Variants in CPEB4 observed in about 807,000 individuals in gnomAD.
CPEB4 encodes the protein cytoplasmic polyadenylation element binding protein 4.
CPEB4 carries 12 observed loss-of-function variants against 72.5 expected under a neutral mutation model. That is an observed-to-expected ratio of 0.17 (90% CI 0.11 to 0.27). The LOEUF is 0.27. Among genes scored for constraint, CPEB4 ranks in the 10% least tolerant of loss-of-function variants. The pLI, the probability that CPEB4 is intolerant of heterozygous loss-of-function variation, is 1.00. For missense variants in CPEB4, 614 were observed against 908.5 expected, an observed-to-expected ratio of 0.68 and a Z score of 4.17; for synonymous variants, 302 against 326.3, an observed-to-expected ratio of 0.93 and a Z score of 0.80.
chr5:173,955,347 T>A lies in CPEB4; in HGVS notation c.1963-563T>A, dbSNP rs556345509. Among the ~76,000 whole-genome samples the A allele has an allele frequency of 7.9e-5, 12 of 152,272 alleles. 1 individual carries two copies. Among genetic ancestry groups the A allele is most frequent in the Non-Finnish European group, 1.0e-4 (7 of 68,014 alleles). On this transcript the variant is annotated intron_variant, in intron 9 of 9. Coordinates refer to ENST00000265085, the MANE Select transcript of CPEB4 (RefSeq NM_030627.4). The surrounding 1 kb of genome is among the most constrained non-coding windows in gnomAD (Gnocchi z 4.7). ...AATCCTATGGCTGCATCTTTTTTTT[T>A]TTTTTTAACAGAGTTCCAGGTTTGT...
In CPEB4 at chr5:173,888,449, A is replaced by G; in HGVS notation, c.-1285A>G. 2 of 443,260 alleles carry G rather than the reference A, an allele frequency of 4.5e-6. No homozygotes were observed. The highest frequency in any genetic ancestry group is 1.2e-4 in the South Asian group (2 of 16,596). 27.5% of individuals were successfully genotyped at this position (443,260 alleles called of 1,614,324 possible). ...GCGGCGGCAGCAGCGGCGACAGCAG[A>G]GGAGGAAGAGGAGGAAGAAGGAAAG... On this transcript the variant is annotated 5_prime_UTR_variant, in exon 1 of 10. Coordinates refer to ENST00000265085, the MANE Select transcript of CPEB4 (RefSeq NM_030627.4). The surrounding 1 kb of genome is among the most constrained non-coding windows in gnomAD (Gnocchi z 4.3).
intron 2 of CPEB4, among the ~76,000 whole-genome samples, chr5:173,911,024 G>A (rs73808317): frequency 2.1e-3 from 313 of 152,030 alleles, no homozygotes; most frequent in African/African-American, 7.1e-3. Context: ...ATAACCAATA[G>A]TTTCAAAGTT....
intron 2 of CPEB4, among the ~76,000 whole-genome samples, chr5:173,916,553 G>A (rs1252950201): frequency 1.3e-5 from 2 of 152,170 alleles, no homozygotes; most frequent in Non-Finnish European, 2.9e-5. Flanking sequence ...TTTAATTCCT[G>A]ACTGCCAAAG....
intron 2 of CPEB4, among the ~76,000 whole-genome samples, chr5:173,922,703 C>T (rs182361576): frequency 3.3e-5 from 5 of 152,318 alleles, no homozygotes; most frequent in Admixed American, 1.3e-4. Context: ...TCTGATTCAC[C>T]AGATTTGCCA....
chr5:173,897,480 T>C (rs1756060031), intron 1 of CPEB4, among the ~76,000 whole-genome samples: 1 of 152,176 alleles, frequency 6.6e-6, no homozygotes, highest in Non-Finnish European at 1.5e-5. Context: ...TACTATGTTA[T>C]GGACTAAGCA....
At chr5:173,915,717 T>G (rs1756844216) in intron 2 of CPEB4, among the ~76,000 whole-genome samples, 1 of 152,238 alleles carries the variant, frequency 6.6e-6, no homozygotes. Context: ...TAGATGATTA[T>G]TTGGGGAATA....
intron 1 of CPEB4, among the ~76,000 whole-genome samples, chr5:173,897,327 T>C (rs1234159011): frequency 2.0e-5 from 3 of 152,222 alleles, no homozygotes. Context: ...GAGACTACAT[T>C]TTAATGGAGA....
chr5:173,923,985 C>G (rs1373163568), intron 2 of CPEB4, among the ~76,000 whole-genome samples: 1 of 152,158 alleles, frequency 6.6e-6, no homozygotes, highest in Non-Finnish European at 1.5e-5. Context: ...TAGTTTCTCT[C>G]TGGACATTCC....
intron 1 of CPEB4, among the ~76,000 whole-genome samples, chr5:173,907,744 C>G (rs1756494374): frequency 6.6e-6 from 1 of 152,198 alleles, no homozygotes; most frequent in South Asian, 2.1e-4. Flanking sequence ...TGCTTCTTAA[C>G]CAGTTTTACA....
rs969469486 is a variant in CPEB4 at position 173,960,339 on chromosome 5, A to T, written c.*4202A>T. ...CTTTTAATATACTTATTTCTTTTTAACACAAGTAGATGATGCTTTCTTGAC... is the reference window on the plus strand; with the variant it reads ...CTTTTAATATACTTATTTCTTTTTATCACAAGTAGATGATGCTTTCTTGAC... On this transcript the variant is annotated 3_prime_UTR_variant, in exon 10 of 10. Transcript: ENST00000265085. 1 of 152,786 alleles carries T rather than the reference A, an allele frequency of 6.5e-6. No homozygotes were observed. Among genetic ancestry groups the T allele is most frequent in the Admixed American group, 6.5e-5 (1 of 15,288 alleles). The allele number at this position is 152,786 out of a possible 1,614,324, so 9.5% of individuals were successfully genotyped here. A position where few individuals can be genotyped will look rare whatever the true frequency, so the allele number is the denominator to read the frequency against.
At chr5:173,935,607 TTC>T (rs1459168027) in intron 3 of CPEB4, among the ~76,000 whole-genome samples, 2 of 152,230 alleles carry the variant, frequency 1.3e-5, no homozygotes, top group African/African-American at 2.4e-5. Context: ...CAGCTGTTTA[TTC>T]TCTTTCTCAC....
At chr5:173,921,584 C>T (rs1440868880) in intron 2 of CPEB4, among the ~76,000 whole-genome samples, 1 of 152,116 alleles carries the variant, frequency 6.6e-6, no homozygotes, top group African/African-American at 2.4e-5. Context: ...GAGGCTACAT[C>T]CTGCATGATG....
rs932166024 is a variant in CPEB4 at position 173,958,004 on chromosome 5, C to CT, written c.*1875dup. 3.5e-4 allele frequency: 54 copies of CT among 152,672 alleles called. No individual in the cohort carries two copies. The highest frequency in any genetic ancestry group is 3.4e-3 in the East Asian group (18 of 5,320). 9.5% of individuals were successfully genotyped at this position (152,672 alleles called of 1,614,324 possible). On this transcript the variant is annotated 3_prime_UTR_variant, in exon 10 of 10. Transcript: ENST00000265085. ...GTGCTCTTGTGTAGCTGGTCAGGGA[C>CT]TTTTTTTTCTTTTCTCCTGAACTAC... is the stretch of plus-strand genomic sequence containing the variant.
Position 173,960,421 on chromosome 5 carries a change from A to G in CPEB4, c.*4284A>G, listed in dbSNP as rs1758511736. ...ATACTGTTCAGCTAATGCAGCACAA[A>G]CCAATAGGAAAAAATCTTCAGTCAT... is the stretch of plus-strand genomic sequence containing the variant. On this transcript the variant is annotated 3_prime_UTR_variant, in exon 10 of 10. Coordinates refer to ENST00000265085, the MANE Select transcript of CPEB4 (RefSeq NM_030627.4). 1 of 152,562 alleles carries G rather than the reference A, an allele frequency of 6.6e-6. No individual in the cohort carries two copies. The highest frequency in any genetic ancestry group is 1.5e-5 in the Non-Finnish European group (1 of 68,042). 9.5% of individuals were successfully genotyped at this position (152,562 alleles called of 1,614,324 possible). A position where few individuals can be genotyped will look rare whatever the true frequency, so the allele number is the denominator to read the frequency against.
At chr5:173,930,908 G>A (rs1275187542) in intron 2 of CPEB4, among the ~76,000 whole-genome samples, 6 of 150,646 alleles carry the variant, frequency 4.0e-5, no homozygotes, top group Admixed American at 2.7e-4. Context: ...AGAATGAGGC[G>A]TGAACCTGGG....
At chr5:173,898,264 G>A (rs944774220) in intron 1 of CPEB4, among the ~76,000 whole-genome samples, 7 of 151,938 alleles carry the variant, frequency 4.6e-5, no homozygotes, top group African/African-American at 1.7e-4. Flanking sequence ...TAGTCAATAG[G>A]ATCATGGTAC....
In CPEB4 at chr5:173,890,228, T is replaced by C. The variant is rs1352529856; in HGVS notation, c.495T>C (p.Leu165=). ...CCTTGACATCTAGCGCATCGTCTCT[T>C]ACTGGTTTCAGTAACTGGTCAGCAG... ...TQPLTSSASS[L]TGFSNWSAAI... The change falls in exon 1 of 10, where the codon CTT becomes CTC. Residue 165 remains leucine, a synonymous_variant. Coordinates refer to ENST00000265085, the MANE Select transcript of CPEB4 (RefSeq NM_030627.4). 2.5e-6 allele frequency: 4 copies of C among 1,614,030 alleles called. No homozygotes were observed. In the South Asian group the frequency reaches 3.3e-5, roughly 13 times the overall value.
Position 173,907,393 on chromosome 5 carries a change from C to T in CPEB4, c.1126-3130C>T, listed in dbSNP as rs77354493. Among the ~76,000 whole-genome samples, 138 of 152,284 alleles carry T rather than the reference C, an allele frequency of 9.1e-4. 2 individuals are homozygous for T. In the East Asian group the frequency reaches 0.023, roughly 26 times the overall value. ...TTCTTATAAAACAAACCAAACAAAA[C>T]CAGTCTATATTTTTTATCAATTGCT... On this transcript the variant is annotated intron_variant, in intron 1 of 9. Transcript: ENST00000265085.
intron 1 of CPEB4, among the ~76,000 whole-genome samples, chr5:173,908,744 G>T (rs1192718169): frequency 6.6e-6 from 1 of 152,206 alleles, no homozygotes; most frequent in African/African-American, 2.4e-5. Flanking sequence ...CTAGAAGTTA[G>T]CTAGGAAAGT....
Sources: allele counts gnomAD v4.1 joint callset (sites outside exome capture counted in the v4.1 genomes callset), GRCh38; gene constraint gnomAD v4.1.1; non-coding constraint Gnocchi (gnomAD v3.1); transcripts MANE v1.5; gene names NCBI Gene and HGNC (gene_info 2026-07-23, HGNC 2026-07-21).